The following SLX4 variants were observed in gnomAD, a reference collection of about 807,000 sequenced individuals.
The protein encoded by SLX4 is SLX4 structure-specific endonuclease subunit.
In SLX4, 112 loss-of-function variants were observed where a neutral mutation model predicts 146.2. The observed-to-expected ratio is 0.77, with a 90% CI of 0.66 to 0.90. The LOEUF (loss-of-function observed/expected upper bound fraction) is 0.90. SLX4 is among the 40% of genes least tolerant of loss of function. SLX4 has a pLI of 0.00. For synonymous variants in SLX4, 1,061 were observed against 997.7 expected (o/e 1.06, Z -1.20); for missense variants, 2,563 against 2,392.7 (o/e 1.07, Z -1.49).
intron 5 of SLX4, 68 bp from the exon 6 acceptor site, chr16:3,598,067 T>G (rs534014222): frequency 6.3e-7 from 1 of 1,585,274 alleles, no homozygotes. Flanking sequence ...TTGGTCACAC[T>G]GGTCTGGAGA....
At chr16:3,608,403 C>G in intron 2 of SLX4, 27 bp downstream of exon 2, 2 of 1,613,874 alleles carry the variant, frequency 1.2e-6, no homozygotes, top group South Asian at 1.1e-5. Context: ...AGTTTTCCAG[C>G]CCCTGGTTTA....
chr16:3,608,736 G>T lies in SLX4; in HGVS notation c.229C>A (p.Gln77Lys). 1.9e-6 allele frequency: 3 copies of T among 1,614,170 alleles called. No homozygotes were observed. Among genetic ancestry groups the T allele is most frequent in the Non-Finnish European group, 2.5e-6 (3 of 1,180,036 alleles). The part of the protein sequence containing the change: ...IKEVSGERKT[Q>K]KAASNGTQIR... ...TGAGTGCCGTTTGAGGCAGCCTTTT[G>T]TGTCTTCCTTTCTCCTGACACTTCC... Residue 77 changes from glutamine (Q) to lysine (K), a missense_variant, in exon 2 of 15, where the codon CAA becomes AAA. By Grantham distance (53) the Gln-to-Lys change is moderately conservative (BLOSUM62 1). Coordinates refer to ENST00000294008, the MANE Select transcript of SLX4 (RefSeq NM_032444.4).
intron 3 of SLX4, among the ~76,000 whole-genome samples, chr16:3,604,213 T>C (rs116538706): frequency 0.01 from 1,419 of 141,784 alleles, 33 homozygotes; most frequent in African/African-American, 0.036. Flanking sequence ...GCCAAGCCTC[T>C]GTCAAAAAAA....
intron 14 of SLX4, 49 bp from the exon 15 acceptor site, chr16:3,582,742 CCT>C (rs772888554): frequency 2.4e-5 from 36 of 1,519,644 alleles, no homozygotes; most frequent in African/African-American, 2.0e-4. Context: ...CTCTCCAGCC[CCT>C]GAGACCATGA....
chr16:3,589,699 G>A lies in SLX4; in HGVS notation c.3939C>T (p.Pro1313=), dbSNP rs369714443. The A allele has an allele frequency of 6.2e-7, 1 of 1,613,966 alleles. No individual in the cohort carries two copies. Among genetic ancestry groups the A allele is most frequent in the Middle Eastern group, 1.6e-4 (1 of 6,062 alleles). ...EVAQKFSVIR[P]QTPPPQTPSS... ...ACGGTGTCTGGGGCGGTGGTGTCTG[G>A]GGCCTGATGACAGAAAACTTCTGTG... is the stretch of plus-strand genomic sequence containing the variant. Residue 1313 remains proline, a synonymous_variant, in exon 12 of 15, where the codon CCC becomes CCT. Coordinates refer to ENST00000294008, the MANE Select transcript of SLX4 (RefSeq NM_032444.4). The surrounding 1 kb of genome is among the most constrained non-coding windows in gnomAD (Gnocchi z 6.2).
intron 14 of SLX4, 25 bp downstream of exon 14, chr16:3,583,072 G>A: frequency 7.4e-6 from 12 of 1,614,058 alleles, no homozygotes; most frequent in Non-Finnish European, 1.0e-5. Context: ...TGAGGCCACT[G>A]ACCCCATCGC....
intron 3 of SLX4, among the ~76,000 whole-genome samples, chr16:3,602,681 G>A (rs534911730): frequency 6.6e-6 from 1 of 152,334 alleles, no homozygotes; most frequent in South Asian, 2.1e-4. Context: ...TCCCACTTCT[G>A]CTGAAGTTGG....
At chr16:3,610,472 C>G (rs2040845270) in intron 1 of SLX4, among the ~76,000 whole-genome samples, 3 of 152,190 alleles carry the variant, frequency 2.0e-5, no homozygotes, top group South Asian at 2.1e-4. Flanking sequence ...CAATTGCTTT[C>G]CAAGTCAAAC....
intron 5 of SLX4, 66 bp from the exon 6 acceptor site, chr16:3,598,065 A>G: frequency 6.3e-7 from 1 of 1,591,252 alleles, no homozygotes; most frequent in Non-Finnish European, 8.6e-7. Context: ...GGTTGGTCAC[A>G]CTGGTCTGGA....
At chr16:3,599,946 G>A (rs898922189) in intron 5 of SLX4, among the ~76,000 whole-genome samples, 8 of 152,190 alleles carry the variant, frequency 5.3e-5, no homozygotes, top group African/African-American at 1.9e-4. Flanking sequence ...AAACTGGACT[G>A]TGCTGAGGTG....
chr16:3,591,378 G>A (rs942248753), intron 11 of SLX4, 68 bp from the exon 12 acceptor site: 1 of 1,594,316 alleles, frequency 6.3e-7, no homozygotes, highest in South Asian at 1.1e-5. Flanking sequence ...CCCCGGTGGG[G>A]TGGCGGACCA....
intron 1 of SLX4, among the ~76,000 whole-genome samples, chr16:3,611,207 G>A (rs1050835754): frequency 1.3e-5 from 2 of 152,188 alleles, no homozygotes; most frequent in African/African-American, 4.8e-5. Flanking sequence ...CCCCCAACCC[G>A]GCGACCTACG....
At position 3,597,955 on chromosome 16, in the gene SLX4, C is replaced by T. The variant is rs754419815; in HGVS notation, c.1208G>A (p.Ser403Asn). Residue 403 changes from serine to asparagine, a missense_variant, in exon 6 of 15, where the codon AGC becomes AAC. Physicochemically the swap from Ser to Asn is conservative, Grantham distance 46 (BLOSUM62 1). Coordinates refer to ENST00000294008, the MANE Select transcript of SLX4 (RefSeq NM_032444.4). The surrounding 1 kb of genome is among the most constrained non-coding windows in gnomAD (Gnocchi z 4.4). ...SRGLKRRGPT[S>N]KKEPRKRRKV... ...CCGCCTCTTCCGTGGCTCCTTCTTG[C>T]TGGTGGGTCCTCTCCGTTTCAGACC... The T allele has an allele frequency of 1.2e-6, 2 of 1,614,156 alleles. No individual in the cohort carries two copies. The highest frequency in any genetic ancestry group is 1.7e-6 in the Non-Finnish European group (2 of 1,180,034).
chr16:3,584,079 G>A (rs918849835), intron 13 of SLX4, among the ~76,000 whole-genome samples: 5 of 152,132 alleles, frequency 3.3e-5, no homozygotes, highest in African/African-American at 4.8e-5. Context: ...GGGTGCCCGA[G>A]TGGAAGAGCA....
intron 13 of SLX4, 27 bp from the exon 14 acceptor site, chr16:3,583,537 G>C (rs1381945155): frequency 1.2e-6 from 2 of 1,613,380 alleles, no homozygotes; most frequent in Non-Finnish European, 8.5e-7. Context: ...TGGATCTCAG[G>C]ACCCACCCAC....
intron 3 of SLX4, 151 bp from the exon 4 acceptor site, chr16:3,602,458 A>G: frequency 1.1e-6 from 1 of 884,224 alleles, no homozygotes; most frequent in Non-Finnish European, 1.8e-6. Flanking sequence ...GGTGACTTGG[A>G]CACTGTCCAG....
chr16:3,582,785 G>C, intron 14 of SLX4, 92 bp from the exon 15 acceptor site: 1 of 1,204,802 alleles, frequency 8.3e-7, no homozygotes, highest in Non-Finnish European at 1.2e-6. Context: ...GTGTCTACGG[G>C]TCCCATGGAG....
In SLX4 at chr16:3,601,149, A is replaced by T. The variant is rs369391369; in HGVS notation, c.993T>A (p.Pro331=). 3 of 1,613,996 alleles carry T rather than the reference A, an allele frequency of 1.9e-6. No homozygotes were observed. The African/African-American group carries it at 4.0e-5, about 22-fold the overall frequency. ...CACAAATCGGGCACTCAGGGATCTG[A>T]GGCACAGAAGGTCTTAGTGTCTTTT... ...EAEKTLRPSV[P]QIPECPICGK... Residue 331 remains proline (P), a synonymous_variant, in exon 5 of 15, where the codon CCT becomes CCA. Transcript: ENST00000294008.
At position 3,597,415 on chromosome 16, in the gene SLX4, C is replaced by T. The variant is rs1596527389; in HGVS notation, c.1647G>A (p.Arg549=). The change falls in exon 7 of 15, where the codon AGG becomes AGA. Residue 549 remains arginine, a synonymous_variant. Transcript: ENST00000294008. The surrounding 1 kb of genome is among the most constrained non-coding windows in gnomAD (Gnocchi z 4.4). ...GCTGGGGCACGAGAGGAGGGACCAG[C>T]CTGGCCGTGTAGAAGTCCTCCATGG... The part of the protein sequence containing the change: ...AWAMEDFYTA[R]LVPPLVPQRP... 7.5e-6 allele frequency: 12 copies of T among 1,601,048 alleles called. No homozygotes were observed. Among genetic ancestry groups the T allele is most frequent in the African/African-American group, 5.3e-5 (4 of 74,814 alleles).
Sources: gnomAD v4.1 joint callset for allele counts (sites outside exome capture counted in the v4.1 genomes callset) on GRCh38, gnomAD v4.1.1 for gene constraint, Gnocchi (gnomAD v3.1) non-coding constraint, MANE v1.5 for transcripts, NCBI Gene and HGNC (gene_info 2026-07-23, HGNC 2026-07-21) for gene names.